TSTD2: variants seen among roughly 807,000 people sequenced by gnomAD.
TSTD2 encodes thiosulfate sulfurtransferase/rhodanese-like domain-containing protein 2.
In TSTD2, 37 loss-of-function variants were observed where a neutral mutation model predicts 47.9. The ratio of observed to expected loss-of-function variants is 0.77; its 90% CI spans 0.59 to 1.02. The LOEUF (loss-of-function observed/expected upper bound fraction) is 1.02, where lower values mean the gene tolerates loss of function less well. Among genes scored for constraint, TSTD2 ranks in the 50% least tolerant of loss-of-function variants. The pLI is 0.00. For synonymous variants in TSTD2, 201 were observed against 215.9 expected, an observed-to-expected ratio of 0.93 and a Z score of 0.61; for missense variants, 586 against 616.0, an observed-to-expected ratio of 0.95 and a Z score of 0.52.
Position 97,600,156 on chromosome 9 carries a change from T to TATTA in TSTD2, c.*2309_*2312dup. ...GCAAATAAAACTGATTATCATTCTTTATTAACCCTCCTTGGAATTTTGAAA... is the reference window on the plus strand; with the variant it reads ...GCAAATAAAACTGATTATCATTCTTTATTAATTAACCCTCCTTGGAATTTTGAAA... On this transcript the variant is annotated 3_prime_UTR_variant, in exon 10 of 10. Transcript: ENST00000341170. 2.0e-6 allele frequency: 2 copies of TATTA among 999,358 alleles called. No individual in the cohort carries two copies. The highest frequency in any genetic ancestry group is 1.7e-5 in the African/African-American group (1 of 57,732). The allele number at this position is 999,358 out of a possible 1,614,324, so 61.9% of individuals were successfully genotyped here.
At chr9:97,627,208 C>T (rs1826736258) in intron 2 of TSTD2, 190 bp downstream of exon 2, 4 of 1,152,286 alleles carry the variant, frequency 3.5e-6, no homozygotes, top group Non-Finnish European at 4.4e-6. Context: ...TCCTCAAGTA[C>T]TCCACCATGG....
At chr9:97,604,453 C>T (rs567544241) in intron 9 of TSTD2, 1 of 364,482 alleles carries the variant, frequency 2.7e-6, no homozygotes, top group East Asian at 5.2e-5. Context: ...GGCAGGTAGA[C>T]AGGCAGGCAG....
At chr9:97,631,830 C>T (rs958843898) in intron 1 of TSTD2, among the ~76,000 whole-genome samples, 4 of 147,798 alleles carry the variant, frequency 2.7e-5, no homozygotes, top group Admixed American at 6.7e-5. Context: ...GGCAACAGAG[C>T]GAGACCCTGT....
Position 97,600,430 on chromosome 9 carries a change from CAATTT to C in TSTD2, c.*2034_*2038del. ...TTTAAGAACATTTGGGATTTATGTA[CAATTT>C]AATACTGGAGTTAGAACTTTTTCCT... On this transcript the variant is annotated 3_prime_UTR_variant, in exon 10 of 10. Transcript: ENST00000341170. The C allele has an allele frequency of 1.4e-5, 14 of 985,688 alleles. No individual in the cohort carries two copies. Among genetic ancestry groups the C allele is most frequent in the Non-Finnish European group, 1.7e-5 (14 of 830,080 alleles). 61.1% of individuals were successfully genotyped at this position (985,688 alleles called of 1,614,324 possible). A position where few individuals can be genotyped will look rare whatever the true frequency, so the allele number is the denominator to read the frequency against.
At chr9:97,609,601 AATTT>A (rs1390041964) in intron 6 of TSTD2, among the ~76,000 whole-genome samples, 2 of 152,248 alleles carry the variant, frequency 1.3e-5, no homozygotes, top group African/African-American at 2.4e-5. Flanking sequence ...GATATTTGAT[AATTT>A]ATTAAGGAAT....
rs946269484 is a variant in TSTD2, at chr9:97,601,167, C to T, written c.*1302G>A. 2.3e-6 allele frequency: 3 copies of T among 1,300,462 alleles called. No homozygotes were observed. Among genetic ancestry groups the T allele is most frequent in the East Asian group, 1.1e-4 (2 of 18,006 alleles). 80.6% of individuals were successfully genotyped at this position (1,300,462 alleles called of 1,614,324 possible). ...CACCATGTTGCAGGGACAACCATCCCCATTTGGCTTCTCCTTAAAACACAA... is the reference window on the plus strand; with the variant it reads ...CACCATGTTGCAGGGACAACCATCCTCATTTGGCTTCTCCTTAAAACACAA... On this transcript the variant is annotated 3_prime_UTR_variant, in exon 10 of 10. Coordinates refer to ENST00000341170, the MANE Select transcript of TSTD2 (RefSeq NM_139246.5).
At position 97,604,770 on chromosome 9, in the gene TSTD2, A is replaced by G; in HGVS notation, c.1209T>C (p.Phe403=). The G allele has an allele frequency of 6.2e-7, 1 of 1,614,204 alleles. No homozygotes were observed. The highest frequency in any genetic ancestry group is 8.5e-7 in the Non-Finnish European group (1 of 1,180,034). Residue 403 remains phenylalanine (F), a synonymous_variant, in exon 9 of 10, where the codon TTT becomes TTC. Coordinates refer to ENST00000341170, the MANE Select transcript of TSTD2 (RefSeq NM_139246.5). ...TGTAGGACAGAGCATAGCGTTCATC[A>G]AAAACAAACAACTTCCCTTTGTAAA... ...DGFYKGKLFV[F]DERYALSYNS...
rs1826351742 is a variant in TSTD2, at chr9:97,605,554, C to T, written c.1042G>A (p.Glu348Lys). The T allele has an allele frequency of 6.2e-7, 1 of 1,614,216 alleles. No individual in the cohort carries two copies. Among genetic ancestry groups the T allele is most frequent in the South Asian group, 1.1e-5 (1 of 91,086 alleles). Residue 348 changes from glutamate (E) to lysine (K), a missense_variant, in exon 8 of 10, where the codon GAG becomes AAG. Physicochemically the swap from Glu to Lys is moderately conservative, Grantham distance 56. Transcript: ENST00000341170. ...GTACAGTACATCAGCACTCTCTTCT[C>T]TCTGAAAAGTTCTAGATTTTTGTCA... ...YVDKNLELFR[E>K]KRVLMYCTGG...
intron 4 of TSTD2, among the ~76,000 whole-genome samples, chr9:97,613,872 A>T (rs959114101): frequency 7.2e-6 from 1 of 138,688 alleles, no homozygotes; most frequent in East Asian, 2.1e-4. Context: ...TGTGTCGCCC[A>T]GACTGCAGTG....
chr9:97,604,511 G>GTTCAC, intron 9 of TSTD2: 2 of 587,268 alleles, frequency 3.4e-6, no homozygotes, highest in Non-Finnish European at 5.7e-6. Context: ...AGCTAGCAAT[G>GTTCAC]GTGAAGCCAG....
Position 97,610,422 on chromosome 9 carries a change from T to C in TSTD2, c.759A>G (p.Pro253=). The C allele has an allele frequency of 6.3e-7, 1 of 1,585,640 alleles. No homozygotes were observed. Among genetic ancestry groups the C allele is most frequent in the Non-Finnish European group, 8.6e-7 (1 of 1,168,088 alleles). ...KTSKGGAHCF[P]ELRVGVFEEI... ...CTTCAAATACACCAACACGCAATTC[T>C]GGAAAACAGTGAGCTCCTCCTTTGC... The change falls in exon 6 of 10, where the codon CCA becomes CCG. Residue 253 remains proline, a synonymous_variant. Coordinates refer to ENST00000341170, the MANE Select transcript of TSTD2 (RefSeq NM_139246.5).
chr9:97,620,152 T>C (rs949237870), intron 3 of TSTD2, among the ~76,000 whole-genome samples: 4 of 152,160 alleles, frequency 2.6e-5, no homozygotes, highest in African/African-American at 2.4e-5. Context: ...TGGGAGCTAA[T>C]TGAATCATGG....
intron 2 of TSTD2, 93 bp downstream of exon 2, chr9:97,627,305 C>T: frequency 6.7e-7 from 1 of 1,484,990 alleles, no homozygotes; most frequent in Non-Finnish European, 9.0e-7. Flanking sequence ...CTAGACTTTA[C>T]CTTGAGCTGG....
chr9:97,619,175 G>T (rs1050806922), intron 3 of TSTD2, among the ~76,000 whole-genome samples: 1 of 152,224 alleles, frequency 6.6e-6, no homozygotes, highest in African/African-American at 2.4e-5. Context: ...GTGAGGAAAT[G>T]AAGGTACAGA....
intron 9 of TSTD2, chr9:97,602,978 T>C (rs1326928753): frequency 4.0e-6 from 2 of 497,812 alleles, no homozygotes; most frequent in South Asian, 4.2e-5. Flanking sequence ...CTGGTAACTG[T>C]CTGCTTCCAG....
intron 3 of TSTD2, among the ~76,000 whole-genome samples, chr9:97,619,242 T>C (rs904054440): frequency 2.0e-5 from 3 of 152,200 alleles, no homozygotes; most frequent in Non-Finnish European, 2.9e-5. Flanking sequence ...TCTTGCTCCT[T>C]TCCAATAAGT....
At chr9:97,625,041 A>G (rs1350369347) in intron 3 of TSTD2, among the ~76,000 whole-genome samples, 1 of 152,130 alleles carries the variant, frequency 6.6e-6, no homozygotes, top group Non-Finnish European at 1.5e-5. Context: ...CATTTTTGAC[A>G]CAAGTATACC....
At chr9:97,621,624 G>A (rs1296556174) in intron 3 of TSTD2, among the ~76,000 whole-genome samples, 6 of 152,216 alleles carry the variant, frequency 3.9e-5, no homozygotes, top group African/African-American at 4.8e-5. Context: ...TTATGCGGTT[G>A]AAGATGAGGG....
chr9:97,609,849 CTTT>C (rs1826427910), intron 6 of TSTD2, among the ~76,000 whole-genome samples: 1 of 152,060 alleles, frequency 6.6e-6, no homozygotes, highest in Non-Finnish European at 1.5e-5. Flanking sequence ...ATTTTCTCTA[CTTT>C]TTTAATGTTT....
Sources: gnomAD v4.1 joint callset for allele counts (sites outside exome capture counted in the v4.1 genomes callset) on GRCh38, gnomAD v4.1.1 for gene constraint, MANE v1.5 for transcripts, NCBI Gene and HGNC (gene_info 2026-07-23, HGNC 2026-07-21) for gene names.